RBFOX1: variants seen among roughly 807,000 people sequenced by gnomAD.
RBFOX1 encodes RNA binding fox-1 homolog 1.
A neutral mutation model predicts 57.7 loss-of-function variants in RBFOX1; 8 were observed. That is an observed-to-expected ratio of 0.14 (90% CI 0.08 to 0.25). The LOEUF (loss-of-function observed/expected upper bound fraction) is 0.25. Among genes scored for constraint, RBFOX1 ranks in the 10% least tolerant of loss-of-function variants. The pLI, the probability that RBFOX1 is intolerant of heterozygous loss-of-function variation, is 1.00. For synonymous variants in RBFOX1, 326 were observed against 222.4 expected (o/e 1.47, Z -4.15); for missense variants, 611 against 548.5 (o/e 1.11, Z -1.14).
At chr16:7,160,918 C>G (rs9930436) in intron 4 of RBFOX1, among the ~76,000 whole-genome samples, 17,864 of 151,826 alleles carry the variant, frequency 0.12, 2,138 homozygotes, top group East Asian at 0.33. Flanking sequence ...TTCAGCCCGT[C>G]TTTTACTTAT....
chr16:6,611,046 A>G (rs1487905711), intron 2 of RBFOX1, among the ~76,000 whole-genome samples: 1 of 152,216 alleles, frequency 6.6e-6, no homozygotes, highest in African/African-American at 2.4e-5. Context: ...TATTGTGGAA[A>G]TAAGATTTTA....
intron 3 of RBFOX1, among the ~76,000 whole-genome samples, chr16:6,790,334 G>A (rs1323270412): frequency 8.6e-5 from 13 of 151,738 alleles, no homozygotes; most frequent in Non-Finnish European, 1.8e-4. Context: ...ACAGGCACCC[G>A]CCACCATGCC....
intron 4 of RBFOX1, among the ~76,000 whole-genome samples, chr16:7,428,100 T>C (rs1428288709): frequency 1.3e-5 from 2 of 152,182 alleles, no homozygotes; most frequent in African/African-American, 4.8e-5. Flanking sequence ...CCAGCTGCAT[T>C]TGTCATTTCC....
At chr16:6,235,617 C>CAT (rs200763219) in intron 1 of RBFOX1, among the ~76,000 whole-genome samples, 27 of 146,890 alleles carry the variant, frequency 1.8e-4, no homozygotes, top group Non-Finnish European at 2.2e-4. Context: ...GATATTTATA[C>CAT]ATATATATAT....
chr16:5,270,672 G>A, intron 1 of RBFOX1: 1 of 536,612 alleles, frequency 1.9e-6, no homozygotes, highest in Admixed American at 2.3e-5. Context: ...TCCAGAAGAA[G>A]GTGTTGGAAA....
In RBFOX1 at chr16:6,344,111, C is replaced by T. The variant is rs149312248; in HGVS notation, c.-64+27054C>T. ...GAAACTGTTGTTGGAGGATCAATGT[C>T]TAGGAGAGGCACTGCTTGATCTTAT... is the stretch of plus-strand genomic sequence containing the variant. On this transcript the variant is annotated intron_variant, in intron 2 of 15. Coordinates refer to ENST00000550418, the MANE Select transcript of RBFOX1 (RefSeq NM_018723.4). Among the ~76,000 whole-genome samples the T allele has an allele frequency of 4.7e-3, 714 of 152,296 alleles. 2 individuals carry two copies. The highest frequency in any genetic ancestry group is 0.01 in the Admixed American group (159 of 15,298).
chr16:7,211,902 G>T (rs928042696), intron 4 of RBFOX1, among the ~76,000 whole-genome samples: 1 of 152,088 alleles, frequency 6.6e-6, no homozygotes, highest in Non-Finnish European at 1.5e-5. Context: ...GTGCTGGTCG[G>T]GGGAAGCCAG....
At chr16:7,185,086 A>T (rs1360017429) in intron 4 of RBFOX1, among the ~76,000 whole-genome samples, 2 of 152,182 alleles carry the variant, frequency 1.3e-5, no homozygotes, top group African/African-American at 4.8e-5. Flanking sequence ...ATGTCCATAC[A>T]ATATATCTAT....
At chr16:5,867,418 C>G (rs1597564833) in intron 4 of RBFOX1, 3 of 888,752 alleles carry the variant, frequency 3.4e-6, no homozygotes, top group Non-Finnish European at 4.4e-6. Context: ...AGCATTCTAG[C>G]AATGATTCTT....
chr16:7,103,311 A>G (rs2151404689), intron 4 of RBFOX1, among the ~76,000 whole-genome samples: 1 of 152,280 alleles, frequency 6.6e-6, no homozygotes, highest in East Asian at 1.9e-4. Flanking sequence ...CAGTATAGCA[A>G]TGAGTAATCA....
In RBFOX1 at chr16:7,190,955, A is replaced by G. The variant is rs550088959; in HGVS notation, c.27+138857A>G. ...TTTTTTCCTGGACTTCTCCCTAATCATCTCAATCAGAACCTTGAAAAAGGG... is the reference window on the plus strand; with the variant it reads ...TTTTTTCCTGGACTTCTCCCTAATCGTCTCAATCAGAACCTTGAAAAAGGG... On this transcript the variant is annotated intron_variant, in intron 4 of 15. Transcript: ENST00000550418. Among the ~76,000 whole-genome samples, 236 of 151,892 alleles carry G rather than the reference A, an allele frequency of 1.6e-3. 1 individual carries two copies. Among genetic ancestry groups the G allele is most frequent in the African/African-American group, 5.4e-3 (222 of 41,432 alleles).
chr16:5,375,697 G>A (rs547173057), intron 1 of RBFOX1, among the ~76,000 whole-genome samples: 1 of 152,336 alleles, frequency 6.6e-6, no homozygotes, highest in East Asian at 1.9e-4. Flanking sequence ...GTTGCCAAAT[G>A]TTCTCTGCAG....
chr16:5,371,013 T>C (rs954202922), intron 1 of RBFOX1, among the ~76,000 whole-genome samples: 12 of 152,240 alleles, frequency 7.9e-5, no homozygotes, highest in African/African-American at 2.9e-4. Flanking sequence ...AGTGGCACGA[T>C]CTTGGCTCAC....
At chr16:5,775,575 T>C (rs1263907760) in intron 3 of RBFOX1, among the ~76,000 whole-genome samples, 1 of 152,218 alleles carries the variant, frequency 6.6e-6, no homozygotes, top group Non-Finnish European at 1.5e-5. Flanking sequence ...CACAGGTGTC[T>C]CAATGCTCAG....
chr16:5,404,367 A>G (rs2066804273), intron 1 of RBFOX1, among the ~76,000 whole-genome samples: 1 of 152,248 alleles, frequency 6.6e-6, no homozygotes, highest in South Asian at 2.1e-4. Context: ...CCTCCAAATG[A>G]TGAATCCCCT....
Position 7,044,713 on chromosome 16 carries a change from C to T in RBFOX1, c.-15-7344C>T, listed in dbSNP as rs991067618. On this transcript the variant is annotated intron_variant, in intron 3 of 15. Transcript: ENST00000550418. ...TACTGCCATGGGAGAAAAAAAATAT[C>T]ACATGTTAGTTTCCAAATGAAATGA... is the stretch of plus-strand genomic sequence containing the variant. Among the ~76,000 whole-genome samples the T allele has an allele frequency of 5.3e-5, 8 of 152,144 alleles. 1 individual carries two copies. Among genetic ancestry groups the T allele is most frequent in the African/African-American group, 1.2e-4 (5 of 41,488 alleles).
At chr16:7,199,065 A>G (rs545397420) in intron 4 of RBFOX1, among the ~76,000 whole-genome samples, 4 of 152,302 alleles carry the variant, frequency 2.6e-5, no homozygotes, top group African/African-American at 9.6e-5. Context: ...TAAGAATATC[A>G]TCACCACAGG....
At chr16:7,393,779 C>T (rs1227264067) in intron 4 of RBFOX1, among the ~76,000 whole-genome samples, 1 of 152,196 alleles carries the variant, frequency 6.6e-6, no homozygotes, top group Non-Finnish European at 1.5e-5. Flanking sequence ...TTACCCCTTA[C>T]CTCCACCTTT....
intron 10 of RBFOX1, among the ~76,000 whole-genome samples, chr16:7,608,823 A>T (rs574227835): frequency 6.6e-6 from 1 of 152,238 alleles, no homozygotes; most frequent in Non-Finnish European, 1.5e-5. Flanking sequence ...ACAAAAATGA[A>T]TATGTTAATC....
Sources: gnomAD v4.1 joint callset for allele counts (sites outside exome capture counted in the v4.1 genomes callset) on GRCh38, gnomAD v4.1.1 for gene constraint, MANE v1.5 for transcripts, NCBI Gene and HGNC (gene_info 2026-07-23, HGNC 2026-07-21) for gene names.